KLRG1: variants seen among roughly 807,000 people sequenced by gnomAD.
The protein encoded by KLRG1 is killer cell lectin like receptor G1.
A neutral mutation model predicts 21.8 loss-of-function variants in KLRG1; 16 were observed. The observed-to-expected ratio is 0.73, with a 90% CI of 0.50 to 1.11. The LOEUF (loss-of-function observed/expected upper bound fraction) is 1.11, where lower values mean the gene tolerates loss of function less well. KLRG1 is among the 50% of genes most tolerant of loss of function. The pLI is 0.00. For missense variants in KLRG1, 173 were observed against 218.3 expected (o/e 0.79, Z 1.31); for synonymous variants, 69 against 75.9 (o/e 0.91, Z 0.47).
At chr12:9,202,699 A>T in the KLRG1 span, 3 of 1,610,890 alleles carry the variant, frequency 1.9e-6, no homozygotes, top group East Asian at 2.2e-5. Context: ...AAAGCAAAGG[A>T]TTTTTTACTA....
chr12:9,089,692 G>T, the KLRG1 span, among the ~76,000 whole-genome samples: 1 of 152,146 alleles, frequency 6.6e-6, no homozygotes, highest in Admixed American at 6.5e-5. Flanking sequence ...AGTGAGCAGA[G>T]ATCCTGCCAC....
the KLRG1 span, chr12:9,208,279 A>G: frequency 1.7e-5 from 27 of 1,613,494 alleles, no homozygotes; most frequent in Admixed American, 3.7e-4. Flanking sequence ...AGTTTGAGTC[A>G]CTGGCAGAAA....
chr12:9,152,976 A>G, the KLRG1 span: 1 of 1,613,964 alleles, frequency 6.2e-7, no homozygotes, highest in Non-Finnish European at 8.5e-7. Flanking sequence ...AGACACTATC[A>G]GTTTCTCTCT....
chr12:9,211,902 C>T, the KLRG1 span, among the ~76,000 whole-genome samples: 1 of 152,126 alleles, frequency 6.6e-6, no homozygotes, highest in Non-Finnish European at 1.5e-5. Flanking sequence ...CTCTAGTAGG[C>T]TTAGATTCTG....
the KLRG1 span, among the ~76,000 whole-genome samples, chr12:9,198,595 G>A: frequency 2.0e-5 from 3 of 152,076 alleles, no homozygotes; most frequent in Non-Finnish European, 2.9e-5. Flanking sequence ...GAACACATGA[G>A]GCATGTAAAT....
the KLRG1 span, among the ~76,000 whole-genome samples, chr12:9,086,781 C>T: frequency 1.3e-5 from 2 of 152,108 alleles, no homozygotes; most frequent in Non-Finnish European, 2.9e-5. Context: ...CTGGAAGTAG[C>T]AGCAAGAGCA....
chr12:9,110,594 G>T, the KLRG1 span, among the ~76,000 whole-genome samples: 2,044 of 151,562 alleles, frequency 0.013, 44 homozygotes, highest in African/African-American at 0.045. Flanking sequence ...ATTGGATAAT[G>T]ATATGGATAA....
At chr12:9,077,499 A>G in the KLRG1 span, 2 of 1,491,836 alleles carry the variant, frequency 1.3e-6, no homozygotes, top group Admixed American at 1.9e-5. Flanking sequence ...CTGCTGTGTC[A>G]TGGAATTCAT....
chr12:9,110,457 T>A, the KLRG1 span: 4 of 533,744 alleles, frequency 7.5e-6, no homozygotes, highest in Non-Finnish European at 1.3e-5. Context: ...ATAATTTAAT[T>A]GTACATTTAA....
chr12:9,195,542 C>T, the KLRG1 span, among the ~76,000 whole-genome samples: 2 of 150,980 alleles, frequency 1.3e-5, no homozygotes, highest in Non-Finnish European at 2.9e-5. Flanking sequence ...GTTCTGGGCT[C>T]GAGGGATCCT....
At chr12:9,098,875 G>T in the KLRG1 span, 1 of 1,147,834 alleles carries the variant, frequency 8.7e-7, no homozygotes, top group South Asian at 1.6e-5. Flanking sequence ...ACTTCGTGGA[G>T]GGTTGGCATT....
At chr12:9,068,391 TCTC>T in the KLRG1 span, among the ~76,000 whole-genome samples, 2 of 152,166 alleles carry the variant, frequency 1.3e-5, no homozygotes, top group Non-Finnish European at 1.5e-5. Flanking sequence ...TACCTTATAT[TCTC>T]CTTTCAAATA....
chr12:9,067,564 T>G, the KLRG1 span: 1 of 540,600 alleles, frequency 1.8e-6, no homozygotes, highest in Non-Finnish European at 3.4e-6. Context: ...ACATGAAGCC[T>G]ACTCAGACCG....
the KLRG1 span, among the ~76,000 whole-genome samples, chr12:9,118,475 G>A: frequency 6.6e-6 from 1 of 152,210 alleles, no homozygotes; most frequent in African/African-American, 2.4e-5. Context: ...TCAGATGGAA[G>A]CCATGTGTTA....
chr12:9,160,512 A>T, the KLRG1 span: 2 of 1,600,488 alleles, frequency 1.2e-6, no homozygotes, highest in Non-Finnish European at 1.7e-6. Context: ...GAAAGATTAG[A>T]TGTCAGAATA....
the KLRG1 span, among the ~76,000 whole-genome samples, chr12:9,051,590 C>T: frequency 6.6e-5 from 10 of 152,194 alleles, no homozygotes; most frequent in Admixed American, 2.0e-4. Context: ...GCTGTTCTAA[C>T]GCTTAGTATA....
At chr12:9,198,215 G>T in the KLRG1 span, among the ~76,000 whole-genome samples, 1 of 151,634 alleles carries the variant, frequency 6.6e-6, no homozygotes, top group Non-Finnish European at 1.5e-5. Flanking sequence ...GCTGGGTATG[G>T]TGACATGCAC....
intron 1 of KLRG1, among the ~76,000 whole-genome samples, chr12:8,991,799 T>C (rs1368214071): frequency 1.3e-5 from 2 of 152,202 alleles, no homozygotes; most frequent in Admixed American, 6.6e-5. Flanking sequence ...CGAATAAATA[T>C]GACATTTTGC....
chr12:9,081,692 G>A, the KLRG1 span, among the ~76,000 whole-genome samples: 4 of 152,176 alleles, frequency 2.6e-5, no homozygotes, highest in African/African-American at 9.7e-5. Flanking sequence ...GAGTTCCCTG[G>A]GGTCACAGTT....
Sources: allele counts gnomAD v4.1 joint callset (sites outside exome capture counted in the v4.1 genomes callset), GRCh38; gene constraint gnomAD v4.1.1; transcripts MANE v1.5; gene names NCBI Gene and HGNC (gene_info 2026-07-23, HGNC 2026-07-21).